HTT: variants seen among roughly 807,000 people sequenced by gnomAD.
HTT encodes huntington disease protein.
In HTT, 104 loss-of-function variants were observed where a neutral mutation model predicts 362.3. The ratio of observed to expected loss-of-function variants is 0.29; its 90% CI spans 0.24 to 0.34. The LOEUF (loss-of-function observed/expected upper bound fraction) is 0.34, where lower values mean the gene tolerates loss of function less well. Among genes scored for constraint, HTT ranks in the 10% least tolerant of loss-of-function variants. The pLI, the probability that HTT is intolerant of heterozygous loss-of-function variation, is 1.00. For synonymous variants in HTT, 1,577 were observed against 1,548.7 expected, an observed-to-expected ratio of 1.02 and a Z score of -0.43; for missense variants, 3,301 against 3,928.6, an observed-to-expected ratio of 0.84 and a Z score of 4.27.
intron 53 of HTT, among the ~76,000 whole-genome samples, chr4:3,222,148 TG>T (rs2110287438): frequency 6.6e-6 from 1 of 152,360 alleles, no homozygotes; most frequent in South Asian, 2.1e-4. Flanking sequence ...CTTGGGCCTG[TG>T]CCACCTGCCT....
chr4:3,238,581 C>T lies in HTT; in HGVS notation c.9026C>T (p.Pro3009Leu). ...GEFLSNQQPY[P>L]QFMATVVYKV... ...TTTCTGTCCAACCAGCAGCCATACCCCCAGTTCATGGCCACCGTGGTGTAT... is the reference window on the plus strand; with the variant it reads ...TTTCTGTCCAACCAGCAGCCATACCTCCAGTTCATGGCCACCGTGGTGTAT... Residue 3009 changes from proline (P) to leucine (L), a missense_variant, in exon 65 of 67, where the codon CCC becomes CTC. This residue lies in a region of HTT where 753 missense variants were observed against 1,021.3 expected (regional missense o/e 0.74). Transcript: ENST00000355072. 1 of 1,611,838 alleles carries T rather than the reference C, an allele frequency of 6.2e-7. No individual in the cohort carries two copies. Among genetic ancestry groups the T allele is most frequent in the Non-Finnish European group, 8.5e-7 (1 of 1,178,906 alleles).
At chr4:3,233,600 A>G (rs914245238) in intron 61 of HTT, among the ~76,000 whole-genome samples, 39 of 152,216 alleles carry the variant, frequency 2.6e-4, no homozygotes, top group African/African-American at 9.2e-4. Context: ...GGCGCTTAGC[A>G]CACTCTCCCA....
rs1301459638 is a variant in HTT, at chr4:3,238,861, G to A, written c.9098G>A (p.Arg3033Gln). The A allele has an allele frequency of 5.6e-6, 9 of 1,612,504 alleles. No homozygotes were observed. The Admixed American group carries it at 6.7e-5, about 12-fold the overall frequency. Residue 3033 changes from arginine to glutamine, a missense_variant, in exon 66 of 67, where the codon CGG (arginine) becomes CAG (glutamine). Physicochemically the swap from Arg to Gln is conservative, Grantham distance 43. Transcript: ENST00000355072. ...AGCACCGGGCAGTCGTCCATGGTCC[G>A]GGACTGGGTCATGCTGTCCCTCTCC... is the stretch of plus-strand genomic sequence containing the variant. ...LHSTGQSSMV[R>Q]DWVMLSLSNF...
chr4:3,080,857 C>G (rs902536068), intron 1 of HTT, among the ~76,000 whole-genome samples: 3 of 152,180 alleles, frequency 2.0e-5, no homozygotes, highest in African/African-American at 7.2e-5. Context: ...TATTCTTTCC[C>G]CATGGAATTA....
rs754576220 is a variant in HTT at position 3,207,351 on chromosome 4, C to T, written c.6146C>T (p.Ala2049Val). The T allele has an allele frequency of 7.2e-5, 116 of 1,611,698 alleles. 1 individual carries two copies. The South Asian group carries it at 1.2e-3, about 16-fold the overall frequency. The change falls in exon 45 of 67, where the codon GCT becomes GTT. Residue 2049 changes from alanine to valine, a missense_variant. This residue lies in a region of HTT where 2,316 missense variants were observed against 2,658.5 expected (regional missense o/e 0.87). Transcript: ENST00000355072. ...IQEYLQSSGL[A>V]QRHQRLYSLL... is the part of the protein sequence containing the mutation. ...GAATACCTTCAGAGCAGCGGGCTCGCTCAGAGGTAATGCTGGAAACACAGG... is the reference window on the plus strand; with the variant it reads ...GAATACCTTCAGAGCAGCGGGCTCGTTCAGAGGTAATGCTGGAAACACAGG...
At position 3,174,784 on chromosome 4, in the gene HTT, G is replaced by T; in HGVS notation, c.4230G>T (p.Lys1410Asn). The T allele has an allele frequency of 6.2e-7, 1 of 1,614,066 alleles. No homozygotes were observed. Among genetic ancestry groups the T allele is most frequent in the South Asian group, 1.1e-5 (1 of 91,032 alleles). The part of the protein sequence containing the change: ...QLKTNLTSVT[K>N]NRADKNAIHN... The stretch of plus-strand genomic sequence containing the variant: ...AGACAAACCTCACGAGTGTCACAAA[G>T]AACCGTGCAGATAAGGTAAATGGTG... The change falls in exon 32 of 67, where the codon AAG becomes AAT. Residue 1410 changes from lysine (K) to asparagine (N), a missense_variant. Lys to Asn is a moderately conservative substitution (Grantham distance 94, BLOSUM62 0). Around this residue, in one of 4 missense-constraint regions of HTT, gnomAD observed 2,316 missense variants for 2,658.5 expected, o/e 0.87. Transcript: ENST00000355072.
At chr4:3,194,876 T>C (rs1300427579) in intron 40 of HTT, among the ~76,000 whole-genome samples, 2 of 152,222 alleles carry the variant, frequency 1.3e-5, no homozygotes, top group African/African-American at 4.8e-5. Context: ...AGGACAGGGC[T>C]ACTAACAATT....
intron 23 of HTT, among the ~76,000 whole-genome samples, chr4:3,144,679 G>C (rs1410369591): frequency 6.6e-6 from 1 of 152,188 alleles, no homozygotes; most frequent in Admixed American, 6.5e-5. Context: ...AATATTGTTT[G>C]GGCTGTCTGC....
intron 29 of HTT, among the ~76,000 whole-genome samples, chr4:3,171,658 G>A (rs539034397): frequency 1.4e-4 from 22 of 151,966 alleles, no homozygotes; most frequent in Middle Eastern, 3.4e-3. Context: ...TGTATTTTTG[G>A]TAGAGATGGG....
chr4:3,226,387 C>G (rs1720916850), intron 57 of HTT, among the ~76,000 whole-genome samples: 1 of 152,146 alleles, frequency 6.6e-6, no homozygotes, highest in Admixed American at 6.5e-5. Context: ...AGGAGGCTTA[C>G]CTGAGCTCAG....
rs1014876599 is a variant in HTT at position 3,221,779 on chromosome 4, C to T, written c.7370-608C>T. 3.3e-5 allele frequency among the ~76,000 whole-genome samples: 5 copies of T among 152,214 alleles called. No individual in the cohort carries two copies. In the South Asian group the frequency reaches 1.0e-3, roughly 32 times the overall value. ...TCATCAATAGGGATGGAGGGTCTGTCGGATGTATTTTCACTGAATCCCCGT... is the reference window on the plus strand; with the variant it reads ...TCATCAATAGGGATGGAGGGTCTGTTGGATGTATTTTCACTGAATCCCCGT... On this transcript the variant is annotated intron_variant, in intron 53 of 66. Transcript: ENST00000355072.
At chr4:3,096,767 T>A (rs1713877110) in intron 2 of HTT, among the ~76,000 whole-genome samples, 1 of 152,220 alleles carries the variant, frequency 6.6e-6, no homozygotes, top group Admixed American at 6.5e-5. Flanking sequence ...AGATTTCAAA[T>A]CAATGACCTC....
At chr4:3,079,070 A>G (rs926797019) in intron 1 of HTT, among the ~76,000 whole-genome samples, 4 of 150,878 alleles carry the variant, frequency 2.7e-5, no homozygotes, top group Non-Finnish European at 5.9e-5. Flanking sequence ...TAATTTTTGT[A>G]TTTTTAGTAG....
At chr4:3,079,032 T>C (rs1204973709) in intron 1 of HTT, among the ~76,000 whole-genome samples, 1 of 152,026 alleles carries the variant, frequency 6.6e-6, no homozygotes. Flanking sequence ...ATTACAGGCA[T>C]GAGCCACTGT....
intron 60 of HTT, among the ~76,000 whole-genome samples, chr4:3,230,490 TG>T (rs1721198931): frequency 6.6e-6 from 1 of 152,234 alleles, no homozygotes; most frequent in African/African-American, 2.4e-5. Flanking sequence ...GGGGCCGTTT[TG>T]TCACAGTGAC....
chr4:3,181,431 T>G (rs1718520548), intron 36 of HTT, among the ~76,000 whole-genome samples: 1 of 152,206 alleles, frequency 6.6e-6, no homozygotes, highest in African/African-American at 2.4e-5. Flanking sequence ...TGAGCTGATT[T>G]CTGGTTTTGT....
chr4:3,224,202 C>T (rs1720805097), intron 56 of HTT, 71 bp downstream of exon 56: 1 of 1,508,450 alleles, frequency 6.6e-7, no homozygotes, highest in Admixed American at 1.7e-5. Context: ...GCATGCTCAC[C>T]ACACCAGTGA....
chr4:3,110,082 G>C (rs2110166365), intron 6 of HTT, among the ~76,000 whole-genome samples: 1 of 152,288 alleles, frequency 6.6e-6, no homozygotes, highest in East Asian at 1.9e-4. Flanking sequence ...TCTTCTTCCA[G>C]ATCCTGACTT....
chr4:3,146,947 A>C lies in HTT; in HGVS notation c.3294A>C (p.Ala1098=). ...DALILAGNLL[A]ASAPKSLRSS... Reference sequence around the variant, plus strand: ...TGATTTTGGCCGGAAACTTGCTTGCAGGTACTGGTACTGAGTTGAAACAGG... The same window carrying C: ...TGATTTTGGCCGGAAACTTGCTTGCCGGTACTGGTACTGAGTTGAAACAGG... Residue 1098 remains alanine, a splice_region_variant and synonymous_variant, in exon 25 of 67, where the codon GCA becomes GCC. Transcript: ENST00000355072. The C allele has an allele frequency of 6.2e-7, 1 of 1,614,148 alleles. No homozygotes were observed. Among genetic ancestry groups the C allele is most frequent in the Non-Finnish European group, 8.5e-7 (1 of 1,179,992 alleles).
Sources: allele counts gnomAD v4.1 joint callset (sites outside exome capture counted in the v4.1 genomes callset), GRCh38; gene constraint gnomAD v4.1.1; regional missense constraint gnomAD v4.1.1; transcripts MANE v1.5; gene names NCBI Gene and HGNC (gene_info 2026-07-23, HGNC 2026-07-21).